Variants in EFHD1 observed in about 807,000 individuals in gnomAD.
The protein encoded by EFHD1 is EF-hand domain family member D1.
Under a neutral mutation model 17.2 loss-of-function variants are expected in EFHD1, and 10 were observed. That is an observed-to-expected ratio of 0.58 (90% CI 0.36 to 0.99). The LOEUF is 0.99. Among genes scored for constraint, EFHD1 ranks in the 50% least tolerant of loss-of-function variants. The probability of loss-of-function intolerance (pLI) is 0.01; values close to 1 mark genes in which losing one functional copy is unlikely to be tolerated. For synonymous variants in EFHD1, 153 were observed against 142.0 expected, an observed-to-expected ratio of 1.08 and a Z score of -0.55; for missense variants, 310 against 327.5, an observed-to-expected ratio of 0.95 and a Z score of 0.41.
intron 1 of EFHD1, among the ~76,000 whole-genome samples, chr2:232,607,636 GT>G (rs1693744132): frequency 1.3e-5 from 2 of 151,574 alleles, no homozygotes; most frequent in Non-Finnish European, 2.9e-5. Context: ...TGCGCTTATA[GT>G]CCCAACTAAT....
At chr2:232,628,233 G>T (rs1319635875) in intron 1 of EFHD1, among the ~76,000 whole-genome samples, 1 of 152,046 alleles carries the variant, frequency 6.6e-6, no homozygotes, top group African/African-American at 2.4e-5. Flanking sequence ...GCTAATTTTT[G>T]TATGTTTAGT....
chr2:232,665,862 T>C (rs1439873322), intron 2 of EFHD1, among the ~76,000 whole-genome samples: 2 of 152,194 alleles, frequency 1.3e-5, no homozygotes, highest in East Asian at 1.9e-4. Flanking sequence ...TCCAGAAATG[T>C]TGGAGTACTG....
chr2:232,634,285 C>T (rs1217382019), intron 1 of EFHD1, among the ~76,000 whole-genome samples: 1 of 151,552 alleles, frequency 6.6e-6, no homozygotes, highest in East Asian at 1.9e-4. Flanking sequence ...ACCCCGACCA[C>T]TGGTCCCGCC....
At chr2:232,651,543 A>G (rs1432893625) in intron 1 of EFHD1, among the ~76,000 whole-genome samples, 1 of 152,156 alleles carries the variant, frequency 6.6e-6, no homozygotes, top group Non-Finnish European at 1.5e-5. Context: ...CCTGGACCCT[A>G]CCTGGGAGGC....
intron 1 of EFHD1, among the ~76,000 whole-genome samples, chr2:232,623,759 T>C (rs1452516702): frequency 6.6e-6 from 1 of 151,562 alleles, no homozygotes; most frequent in Non-Finnish European, 1.5e-5. Context: ...TCTATTTCTG[T>C]TGGACAGCGC....
At chr2:232,679,884 G>A (rs1559358996) in intron 3 of EFHD1, among the ~76,000 whole-genome samples, 1 of 152,256 alleles carries the variant, frequency 6.6e-6, no homozygotes, top group Middle Eastern at 3.4e-3. Flanking sequence ...GATAACCTTG[G>A]CAAGGTTGTG....
At chr2:232,610,100 T>A (rs369584129) in intron 1 of EFHD1, among the ~76,000 whole-genome samples, 5 of 152,302 alleles carry the variant, frequency 3.3e-5, no homozygotes, top group African/African-American at 1.2e-4. Flanking sequence ...GGCTGGGTAG[T>A]CCTTGTGGGT....
intron 1 of EFHD1, among the ~76,000 whole-genome samples, chr2:232,627,064 A>ATATT (rs1205812580): frequency 1.8e-3 from 162 of 92,210 alleles, no homozygotes; most frequent in Non-Finnish European, 2.6e-3. Flanking sequence ...ATATATATAT[A>ATATT]TTTTTTTTTT....
intron 1 of EFHD1, among the ~76,000 whole-genome samples, chr2:232,634,268 T>TC (rs1694273075): frequency 6.7e-6 from 1 of 149,628 alleles, no homozygotes; most frequent in Non-Finnish European, 1.5e-5. Flanking sequence ...GAGTTCCAGG[T>TC]CCCCCAACCC....
intron 2 of EFHD1, among the ~76,000 whole-genome samples, chr2:232,663,373 A>AT (rs1694910837): frequency 6.6e-6 from 1 of 151,850 alleles, no homozygotes; most frequent in South Asian, 2.1e-4. Context: ...TATTTTATTT[A>AT]TTTTTATTAT....
intron 1 of EFHD1, among the ~76,000 whole-genome samples, chr2:232,641,727 A>G (rs1406710136): frequency 3.3e-5 from 5 of 152,236 alleles, no homozygotes; most frequent in East Asian, 1.9e-4. Flanking sequence ...CATGCTAGGC[A>G]GTCGCTTTAG....
At chr2:232,681,083 G>C (rs191165246) in intron 3 of EFHD1, among the ~76,000 whole-genome samples, 29 of 152,048 alleles carry the variant, frequency 1.9e-4, no homozygotes, top group African/African-American at 6.7e-4. Context: ...TTGAACCTGG[G>C]AGATGGAGAT....
chr2:232,629,660 G>C (rs1694168209), upstream of EFHD1, among the ~76,000 whole-genome samples: 1 of 151,918 alleles, frequency 6.6e-6, no homozygotes, highest in Non-Finnish European at 1.5e-5. Context: ...GTAGAGATGG[G>C]GTTTCACCAT....
upstream of EFHD1, chr2:232,633,436 G>A (rs1041054785): frequency 3.9e-5 from 48 of 1,215,630 alleles, no homozygotes; most frequent in Non-Finnish European, 4.9e-5. Flanking sequence ...GAGGAAGCAG[G>A]TCGGGGTCTC....
At chr2:232,624,712 A>G (rs1694077186) in intron 1 of EFHD1, among the ~76,000 whole-genome samples, 1 of 152,242 alleles carries the variant, frequency 6.6e-6, no homozygotes. Flanking sequence ...TTGAGGAGAC[A>G]TCCCTGGAGG....
intron 1 of EFHD1, chr2:232,638,268 A>C (rs1485665932): frequency 4.4e-6 from 2 of 455,434 alleles, no homozygotes; most frequent in Non-Finnish European, 9.1e-6. Flanking sequence ...GCAGCCACTT[A>C]AAGGCAGGAC....
At chr2:232,633,563 T>G, upstream of EFHD1, 1 of 1,297,800 alleles carries the variant, frequency 7.7e-7, no homozygotes, top group South Asian at 2.3e-5. Flanking sequence ...CGCCAGTCCG[T>G]CCTCAGACCC....
At chr2:232,614,057 T>TACACATGCATACACATACATATAC (rs1553594261) in intron 1 of EFHD1, among the ~76,000 whole-genome samples, 16 of 149,892 alleles carry the variant, frequency 1.1e-4, no homozygotes, top group African/African-American at 4.0e-4. Context: ...CACACATACA[T>TACACATGCATACACATACATATAC]ACACATGCAC....
chr2:232,619,176 TA>T (rs1559337669), intron 1 of EFHD1, among the ~76,000 whole-genome samples: 2 of 141,800 alleles, frequency 1.4e-5, no homozygotes, highest in African/African-American at 5.2e-5. Flanking sequence ...AATAAATAAA[TA>T]AATAAATAAA....
Sources: allele counts gnomAD v4.1 joint callset (sites outside exome capture counted in the v4.1 genomes callset), GRCh38; gene constraint gnomAD v4.1.1; transcripts MANE v1.5; gene names NCBI Gene and HGNC (gene_info 2026-07-23, HGNC 2026-07-21).